Variants in DYNLRB1 observed in about 807,000 individuals in gnomAD.
DYNLRB1 encodes the protein dynein light chain roadblock-type 1.
Under a neutral mutation model 13.5 loss-of-function variants are expected in DYNLRB1, and 6 were observed. That is an observed-to-expected ratio of 0.44 (90% CI 0.24 to 0.88). DYNLRB1 has a LOEUF of 0.88. Among genes scored for constraint, DYNLRB1 ranks in the 40% least tolerant of loss-of-function variants. The pLI is 0.21. For missense variants in DYNLRB1, 93 were observed against 127.2 expected (o/e 0.73, Z 1.29); for synonymous variants, 43 against 45.0 (o/e 0.96, Z 0.18).
At chr20:34,538,528 C>G (rs892414415) in intron 3 of DYNLRB1, among the ~76,000 whole-genome samples, 2 of 152,156 alleles carry the variant, frequency 1.3e-5, no homozygotes, top group African/African-American at 4.8e-5. Context: ...ACACAACCTT[C>G]AACACACACT....
intron 2 of DYNLRB1, 142 bp downstream of exon 2, chr20:34,526,485 C>CTT (rs386393667): frequency 0.29 from 67,711 of 233,314 alleles, 9,291 homozygotes; most frequent in Non-Finnish European, 0.31. Context: ...CTCCAGTGTT[C>CTT]TTTTTTTTTT....
intron 3 of DYNLRB1, among the ~76,000 whole-genome samples, chr20:34,536,765 A>G (rs1435927246): frequency 6.7e-6 from 1 of 150,038 alleles, no homozygotes; most frequent in South Asian, 2.1e-4. Context: ...AAAAAAAAAA[A>G]GTTGGGCCGG....
chr20:34,516,751 A>T (rs1332991117), intron 1 of DYNLRB1: 1 of 1,548,992 alleles, frequency 6.5e-7, no homozygotes, highest in East Asian at 2.4e-5. Context: ...CCTGCAGCCT[A>T]GAGTTTTGGG....
At chr20:34,529,950 G>A (rs555684875) in intron 2 of DYNLRB1, 358 of 1,426,432 alleles carry the variant, frequency 2.5e-4, no homozygotes, top group African/African-American at 4.5e-4. Context: ...TCCTTTCCCC[G>A]CTTCAGCCCT....
chr20:34,527,683 G>C (rs944682601), intron 2 of DYNLRB1, among the ~76,000 whole-genome samples: 1 of 152,190 alleles, frequency 6.6e-6, no homozygotes, highest in Non-Finnish European at 1.5e-5. Flanking sequence ...TGTTTACGAA[G>C]CACCCCAGGA....
chr20:34,528,361 T>G, intron 2 of DYNLRB1, among the ~76,000 whole-genome samples: 1 of 138,974 alleles, frequency 7.2e-6, no homozygotes, highest in Admixed American at 7.3e-5. Context: ...TACTGGAGTT[T>G]ACAAAAATAA....
intron 1 of DYNLRB1, 78 bp downstream of exon 1, chr20:34,516,539 G>A (rs1979199534): frequency 1.3e-6 from 2 of 1,594,226 alleles, no homozygotes; most frequent in African/African-American, 2.7e-5. Flanking sequence ...GAGGATGAGG[G>A]GATCTCAGAG....
At chr20:34,522,896 A>G (rs976340092) in intron 1 of DYNLRB1, among the ~76,000 whole-genome samples, 1 of 152,192 alleles carries the variant, frequency 6.6e-6, no homozygotes, top group South Asian at 2.1e-4. Context: ...GTACTTAAAA[A>G]GGTTGATTTC....
At chr20:34,516,828 A>C (rs561125437) in intron 1 of DYNLRB1, 2 of 1,549,438 alleles carry the variant, frequency 1.3e-6, no homozygotes, top group Middle Eastern at 1.7e-4. Flanking sequence ...GGCTCTGCCA[A>C]GCACTTTATG....
At position 34,540,451 on chromosome 20, in the gene DYNLRB1, C is replaced by T. The variant is rs1981488626; in HGVS notation, c.248-130C>T. Reference sequence around the variant, plus strand: ...TTTCCCAGCATTTGGAGATGCTGAACGTTGATGCTTTTTGTTGCTTTCTCC... The same window carrying T: ...TTTCCCAGCATTTGGAGATGCTGAATGTTGATGCTTTTTGTTGCTTTCTCC... On this transcript the variant is annotated intron_variant, in intron 3 of 3. Transcript: ENST00000357156. 11 of 845,986 alleles carry T rather than the reference C, an allele frequency of 1.3e-5. 1 individual carries two copies. Among genetic ancestry groups the T allele is most frequent in the South Asian group, 1.2e-4 (7 of 57,422 alleles). 52.4% of individuals were successfully genotyped at this position (845,986 alleles called of 1,614,324 possible).
chr20:34,526,369 C>T (rs767563435), intron 2 of DYNLRB1, 26 bp downstream of exon 2: 24 of 1,612,584 alleles, frequency 1.5e-5, no homozygotes, highest in African/African-American at 2.7e-5. Context: ...CGCCATGACC[C>T]GCACCCAGGC....
intron 1 of DYNLRB1, among the ~76,000 whole-genome samples, chr20:34,517,259 T>G (rs747766907): frequency 2.0e-5 from 3 of 152,192 alleles, no homozygotes; most frequent in Admixed American, 2.0e-4. Flanking sequence ...ATAAAAAAAT[T>G]GAAAAAAGAA....
intron 2 of DYNLRB1, among the ~76,000 whole-genome samples, chr20:34,532,008 T>G (rs975972791): frequency 6.6e-6 from 1 of 152,122 alleles, no homozygotes; most frequent in Admixed American, 6.6e-5. Context: ...CTCTTACCAT[T>G]GGGGCCCAAA....
At chr20:34,536,213 T>C in intron 3 of DYNLRB1, 1 of 985,404 alleles carries the variant, frequency 1.0e-6, no homozygotes, top group Non-Finnish European at 1.2e-6. Context: ...AGGCACAGAA[T>C]CTGTTTTCCC....
intron 3 of DYNLRB1, among the ~76,000 whole-genome samples, chr20:34,537,690 C>T (rs1263575413): frequency 2.0e-5 from 3 of 152,218 alleles, no homozygotes; most frequent in Non-Finnish European, 4.4e-5. Context: ...GCTGAATTGC[C>T]TCAGGATGGC....
chr20:34,525,107 T>C (rs1043679098), intron 1 of DYNLRB1, among the ~76,000 whole-genome samples: 10 of 152,180 alleles, frequency 6.6e-5, no homozygotes, highest in Non-Finnish European at 1.3e-4. Flanking sequence ...TGGGTGGCAG[T>C]GACTGGATTG....
At chr20:34,531,729 T>C (rs751646279) in intron 2 of DYNLRB1, among the ~76,000 whole-genome samples, 1 of 152,086 alleles carries the variant, frequency 6.6e-6, no homozygotes, top group African/African-American at 2.4e-5. Context: ...GGAGCTTACA[T>C]TGTGGTGGGA....
At chr20:34,521,696 A>AGT (rs1419748507) in intron 1 of DYNLRB1, among the ~76,000 whole-genome samples, 6 of 152,274 alleles carry the variant, frequency 3.9e-5, no homozygotes, top group Non-Finnish European at 8.8e-5. Flanking sequence ...CCTTGTCTCC[A>AGT]TCATCCCATT....
Position 34,534,835 on chromosome 20 carries a change from A to G in DYNLRB1, c.247+40A>G, listed in dbSNP as rs1049317705. The G allele has an allele frequency of 3.1e-6, 5 of 1,613,616 alleles. No individual in the cohort carries two copies. In the South Asian group the frequency reaches 3.3e-5, roughly 11 times the overall value. ...ACCTCCCCATGTAGGAACAGACCTCATGGCACATTCTCTGTGGCTCATCAG... is the reference window on the plus strand; with the variant it reads ...ACCTCCCCATGTAGGAACAGACCTCGTGGCACATTCTCTGTGGCTCATCAG... On this transcript the variant is annotated intron_variant, in intron 3 of 3. Coordinates refer to ENST00000357156, the MANE Select transcript of DYNLRB1 (RefSeq NM_014183.4).
Sources: allele counts gnomAD v4.1 joint callset (sites outside exome capture counted in the v4.1 genomes callset), GRCh38; gene constraint gnomAD v4.1.1; transcripts MANE v1.5; gene names NCBI Gene and HGNC (gene_info 2026-07-23, HGNC 2026-07-21).